B3GAT3: variants seen among roughly 807,000 people sequenced by gnomAD.
The protein encoded by B3GAT3 is beta-1,3-glucuronyltransferase 3.
In B3GAT3, 19 loss-of-function variants were observed where a neutral mutation model predicts 33.1. The observed-to-expected ratio is 0.57, with a 90% CI of 0.40 to 0.84. B3GAT3 has a LOEUF of 0.84. Among genes scored for constraint, B3GAT3 ranks in the 40% least tolerant of loss-of-function variants. B3GAT3 has a pLI of 0.00. For synonymous variants in B3GAT3, 167 were observed against 193.5 expected (o/e 0.86, Z 1.14); for missense variants, 344 against 441.5 (o/e 0.78, Z 1.98).
chr11:62,620,410 T>A (rs1345004816), intron 2 of B3GAT3, 87 bp downstream of exon 2: 2 of 1,273,746 alleles, frequency 1.6e-6, no homozygotes, highest in Non-Finnish European at 2.3e-6. Flanking sequence ...GAGGAACAAC[T>A]CCTAGCCCAG....
chr11:62,619,609 G>A (rs529360451), intron 2 of B3GAT3, among the ~76,000 whole-genome samples: 40 of 148,388 alleles, frequency 2.7e-4, no homozygotes, highest in African/African-American at 9.5e-4. Flanking sequence ...TCCACTCACT[G>A]CAACCTCCGC....
At chr11:62,618,168 A>T (rs1565077017) in intron 2 of B3GAT3, among the ~76,000 whole-genome samples, 1 of 102,348 alleles carries the variant, frequency 9.8e-6, no homozygotes, top group Non-Finnish European at 1.8e-5. Flanking sequence ...CAAGAGCGAA[A>T]CTCTGTCTCA....
intron 2 of B3GAT3, among the ~76,000 whole-genome samples, chr11:62,618,955 C>T (rs1165234028): frequency 1.3e-5 from 2 of 150,986 alleles, no homozygotes; most frequent in African/African-American, 4.9e-5. Flanking sequence ...TGCACTCCAG[C>T]CTGGGCGACA....
At chr11:62,616,004 G>A in intron 4 of B3GAT3, 1 of 1,424,520 alleles carries the variant, frequency 7.0e-7, no homozygotes. Context: ...AGCACTTTGG[G>A]AGGCCGAGGA....
intron 2 of B3GAT3, among the ~76,000 whole-genome samples, chr11:62,619,889 C>T (rs552513749): frequency 6.6e-5 from 10 of 151,820 alleles, no homozygotes; most frequent in East Asian, 1.9e-4. Context: ...TCTTGCCAAA[C>T]GGTCCCTAAG....
At chr11:62,621,026 G>A (rs1209047968) in intron 1 of B3GAT3, 2 of 503,192 alleles carry the variant, frequency 4.0e-6, no homozygotes, top group Non-Finnish European at 7.7e-6. Context: ...TTACACTATG[G>A]AACCCCTTTT....
At chr11:62,620,758 A>C in intron 1 of B3GAT3, 87 bp from the exon 2 acceptor site, 120 of 1,321,844 alleles carry the variant, frequency 9.1e-5, no homozygotes, top group Non-Finnish European at 1.2e-4. Flanking sequence ...TAATCGTCTC[A>C]TTAATTCCTA....
chr11:62,621,806 G>C (rs1439730627), intron 1 of B3GAT3, 60 bp downstream of exon 1: 1 of 1,493,890 alleles, frequency 6.7e-7, no homozygotes, highest in African/African-American at 1.4e-5. Context: ...CCCAGGGCGG[G>C]ATGCACGGCG....
chr11:62,618,177 CAAAAAAAAA>C lies in B3GAT3; in HGVS notation c.258-839_258-831del, dbSNP rs150492409. Reference sequence around the variant, plus strand: ...GAGCGACAAGAGCGAAACTCTGTCTCAAAAAAAAAAAAAAAAAAAAAAAAAAACAAATTA... The same window carrying C: ...GAGCGACAAGAGCGAAACTCTGTCTCAAAAAAAAAAAAAAAAAACAAATTA... On this transcript the variant is annotated intron_variant, in intron 2 of 4. Transcript: ENST00000265471. Among the ~76,000 whole-genome samples the C allele has an allele frequency of 9.1e-3, 419 of 46,286 alleles. 4 individuals carry two copies. In the Admixed American group the frequency reaches 0.099, roughly 11 times the overall value. The allele number at this position is 46,286 out of a possible 152,430, so 30.4% of individuals were successfully genotyped here. A position where few individuals can be genotyped will look rare whatever the true frequency, so the allele number is the denominator to read the frequency against.
intron 1 of B3GAT3, 108 bp downstream of exon 1, chr11:62,621,758 G>A (rs922918159): frequency 1.6e-6 from 2 of 1,225,826 alleles, no homozygotes; most frequent in Non-Finnish European, 2.3e-6. Flanking sequence ...GCTGTCCGGA[G>A]GGCCGAGCGG....
At chr11:62,615,971 G>GT (rs1943014560) in intron 4 of B3GAT3, 172 bp from the exon 5 acceptor site, 2 of 1,487,648 alleles carry the variant, frequency 1.3e-6, no homozygotes, top group African/African-American at 2.8e-5. Context: ...TTGGCCGGGC[G>GT]CGTGGCTCAC....
At chr11:62,621,422 C>A in intron 1 of B3GAT3, 2 of 428,754 alleles carry the variant, frequency 4.7e-6, no homozygotes, top group Admixed American at 2.5e-5. Flanking sequence ...TCAGGGAAGG[C>A]CTCTCTGAGG....
intron 2 of B3GAT3, among the ~76,000 whole-genome samples, chr11:62,618,928 A>G (rs1260785489): frequency 6.6e-6 from 1 of 151,172 alleles, no homozygotes; most frequent in Non-Finnish European, 1.5e-5. Flanking sequence ...GGTTGCAGTG[A>G]GCCGAGATCG....
rs959501997 is a variant in B3GAT3, at chr11:62,616,251, A to G, written c.909+255T>C. ...ACAGCGAGACTCTGTCTGAAAAAAAAAAAAAAACAACAAACAGGGCCTTAT... is the reference window on the plus strand; with the variant it reads ...ACAGCGAGACTCTGTCTGAAAAAAAGAAAAAAACAACAAACAGGGCCTTAT... On this transcript the variant is annotated intron_variant, in intron 4 of 4. Transcript: ENST00000265471. 5 of 615,718 alleles carry G rather than the reference A, an allele frequency of 8.1e-6. No homozygotes were observed. In the African/African-American group the frequency reaches 9.3e-5, roughly 11 times the overall value. 38.1% of individuals were successfully genotyped at this position (615,718 alleles called of 1,614,324 possible).
At position 62,615,417 on chromosome 11, in the gene B3GAT3, C is replaced by T. The variant is rs149143854; in HGVS notation, c.*284G>A. Reference sequence around the variant, plus strand: ...CCAGCCCCAATAAGTTACCCAGTTACTCAGCTGCCCTCCCTCCTGGGTCCA... The same window carrying T: ...CCAGCCCCAATAAGTTACCCAGTTATTCAGCTGCCCTCCCTCCTGGGTCCA... On this transcript the variant is annotated 3_prime_UTR_variant, in exon 5 of 5. Transcript: ENST00000265471. 7.0e-3 allele frequency: 3,940 copies of T among 560,190 alleles called. 29 individuals are homozygous for T. The highest frequency in any genetic ancestry group is 0.024 in the Middle Eastern group (49 of 2,050). The allele number at this position is 560,190 out of a possible 1,614,324, so 34.7% of individuals were successfully genotyped here.
chr11:62,620,177 C>T (rs1291808813), intron 2 of B3GAT3, among the ~76,000 whole-genome samples: 1 of 152,130 alleles, frequency 6.6e-6, no homozygotes, highest in African/African-American at 2.4e-5. Context: ...GCATGCGCCA[C>T]CACGCCTGGC....
intron 3 of B3GAT3, 49 bp from the exon 4 acceptor site, chr11:62,616,845 A>G (rs1298215264): frequency 1.2e-6 from 2 of 1,612,848 alleles, no homozygotes; most frequent in Admixed American, 1.7e-5. Flanking sequence ...CGGGGAAGGG[A>G]GCAGCAGAAA....
intron 4 of B3GAT3, 116 bp from the exon 5 acceptor site, chr11:62,615,915 G>A (rs1943013141): frequency 6.5e-7 from 1 of 1,535,556 alleles, no homozygotes; most frequent in African/African-American, 1.4e-5. Flanking sequence ...GCTTCAAAGT[G>A]TAAAGGGCAG....
Position 62,621,964 on chromosome 11 carries a change from G to A in B3GAT3, c.-17C>T, listed in dbSNP as rs763447937. ...CAGCTTCATGGCCGCGCCGCCGCCC[G>A]CGCCCGAGCAGGCGGGGTCTGCAGG... On this transcript the variant is annotated 5_prime_UTR_variant, in exon 1 of 5. Coordinates refer to ENST00000265471, the MANE Select transcript of B3GAT3 (RefSeq NM_012200.4). 2.5e-6 allele frequency: 4 copies of A among 1,612,526 alleles called. No homozygotes were observed. In the Admixed American group the frequency reaches 6.7e-5, roughly 27 times the overall value.
Sources: allele counts gnomAD v4.1 joint callset (sites outside exome capture counted in the v4.1 genomes callset), GRCh38; gene constraint gnomAD v4.1.1; transcripts MANE v1.5; gene names NCBI Gene and HGNC (gene_info 2026-07-23, HGNC 2026-07-21).